Variants in ADAMTS18 observed in about 807,000 individuals in gnomAD.
ADAMTS18 encodes the protein ADAM metallopeptidase with thrombospondin type 1 motif 18.
Under a neutral mutation model 165.9 loss-of-function variants are expected in ADAMTS18, and 157 were observed. The observed-to-expected ratio is 0.95, with a 90% CI of 0.83 to 1.08. The LOEUF is 1.08. Ranked by LOEUF, ADAMTS18 falls within the 50% of genes least tolerant of loss-of-function variation. ADAMTS18 has a pLI of 0.00. For missense variants in ADAMTS18, 2,040 were observed against 1,534.0 expected, an observed-to-expected ratio of 1.33 and a Z score of -5.51; for synonymous variants, 782 against 578.2, an observed-to-expected ratio of 1.35 and a Z score of -5.06.
intron 3 of ADAMTS18, among the ~76,000 whole-genome samples, chr16:77,423,195 A>G (rs1008636531): frequency 6.6e-6 from 1 of 152,182 alleles, no homozygotes; most frequent in Non-Finnish European, 1.5e-5. Context: ...TAAATGTTCT[A>G]AAGGCCTCCC....
Position 77,295,026 on chromosome 16 carries a change from T to C in ADAMTS18, c.2903A>G (p.Glu968Gly). 6.2e-7 allele frequency: 1 copy of C among 1,614,168 alleles called. No homozygotes were observed. The highest frequency in any genetic ancestry group is 1.1e-5 in the South Asian group (1 of 91,080). ...CVQKKPFQKEEAVLHSLCPVS... is the reference protein window; with the variant it reads ...CVQKKPFQKEGAVLHSLCPVS... ...TGGACAGAGAGAATGCAACACTGCT[T>C]CCTCCTTTTGGAAGGGCTTCTTTTG... is the stretch of plus-strand genomic sequence containing the variant. The change falls in exon 19 of 23, where the codon GAA (glutamate) becomes GGA (glycine). Residue 968 changes from glutamate (E) to glycine (G), a missense_variant. Physicochemically the swap from Glu to Gly is moderately conservative, Grantham distance 98. Coordinates refer to ENST00000282849, the MANE Select transcript of ADAMTS18 (RefSeq NM_199355.4).
intron 16 of ADAMTS18, among the ~76,000 whole-genome samples, chr16:77,303,107 C>G (rs962488025): frequency 2.0e-5 from 3 of 152,184 alleles, no homozygotes; most frequent in Admixed American, 2.0e-4. Context: ...GATGCCCTGT[C>G]CTGGCTCCAA....
intron 10 of ADAMTS18, among the ~76,000 whole-genome samples, chr16:77,352,836 C>T (rs965459006): frequency 5.3e-5 from 8 of 151,984 alleles, no homozygotes; most frequent in Admixed American, 3.9e-4. Flanking sequence ...ATGGGCCGGG[C>T]GGGGTGGCTC....
intron 3 of ADAMTS18, among the ~76,000 whole-genome samples, chr16:77,368,327 G>A (rs2056828721): frequency 2.0e-5 from 3 of 152,144 alleles, no homozygotes; most frequent in South Asian, 4.1e-4. Context: ...ACATTCTGCT[G>A]CATTGCATTT....
At chr16:77,411,095 G>C (rs993523474) in intron 3 of ADAMTS18, among the ~76,000 whole-genome samples, 2 of 152,328 alleles carry the variant, frequency 1.3e-5, no homozygotes, top group South Asian at 2.1e-4. Flanking sequence ...GAACAGAGTA[G>C]TATGGCAGCA....
At chr16:77,400,477 TG>T (rs1567541746) in intron 3 of ADAMTS18, among the ~76,000 whole-genome samples, 2 of 124,336 alleles carry the variant, frequency 1.6e-5, no homozygotes, top group Non-Finnish European at 1.9e-5. Context: ...TGTGTGTGTG[TG>T]TGTTTTGTTT....
chr16:77,322,835 A>G (rs1333763186), intron 13 of ADAMTS18, among the ~76,000 whole-genome samples: 1 of 152,164 alleles, frequency 6.6e-6, no homozygotes, highest in African/African-American at 2.4e-5. Flanking sequence ...GTGTTCTAAT[A>G]AAATCTGATG....
intron 12 of ADAMTS18, among the ~76,000 whole-genome samples, chr16:77,335,405 A>G (rs2056292538): frequency 6.6e-6 from 1 of 152,064 alleles, no homozygotes; most frequent in Admixed American, 6.6e-5. Flanking sequence ...AGAATGAGTA[A>G]GATCTAGTAT....
chr16:77,312,230 T>C (rs1271557094), intron 16 of ADAMTS18, among the ~76,000 whole-genome samples: 1 of 152,060 alleles, frequency 6.6e-6, no homozygotes, highest in Admixed American at 6.5e-5. Context: ...AAAAAAAACT[T>C]TTCTTTTTTT....
chr16:77,359,547 TGGAAA>T, intron 7 of ADAMTS18, 124 bp from the exon 8 acceptor site: 1 of 619,612 alleles, frequency 1.6e-6, no homozygotes, highest in Non-Finnish European at 2.6e-6. Context: ...TCAGTGTTTT[TGGAAA>T]AAAAAAAAAA....
rs1227968206 is a variant in ADAMTS18 at position 77,378,344 on chromosome 16, A to AAC, written c.496-10622_496-10621insGT. ...TCTCAAAAACAAAAACAAAAACAAA[A>AAC]AAAAACAAAAAAAAAAAAAACCAAG... On this transcript the variant is annotated intron_variant, in intron 3 of 22. Transcript: ENST00000282849. Among the ~76,000 whole-genome samples the AAC allele has an allele frequency of 1.4e-3, 79 of 56,734 alleles. 1 individual carries two copies. In the East Asian group the frequency reaches 0.017, roughly 12 times the overall value. The allele number at this position is 56,734 out of a possible 152,430, so 37.2% of individuals were successfully genotyped here.
chr16:77,388,853 T>G (rs980691622), intron 3 of ADAMTS18, among the ~76,000 whole-genome samples: 6 of 152,230 alleles, frequency 3.9e-5, no homozygotes, highest in African/African-American at 1.4e-4. Context: ...ATCTCATGCC[T>G]AACAGATTCT....
intron 12 of ADAMTS18, among the ~76,000 whole-genome samples, chr16:77,333,900 AAT>A (rs1451592520): frequency 6.9e-6 from 1 of 145,754 alleles, no homozygotes; most frequent in Admixed American, 7.0e-5. Flanking sequence ...TTAATAGTAT[AAT>A]ATATAGTGTC....
intron 16 of ADAMTS18, among the ~76,000 whole-genome samples, chr16:77,309,268 A>G (rs907857889): frequency 2.0e-5 from 3 of 151,962 alleles, no homozygotes; most frequent in Non-Finnish European, 2.9e-5. Flanking sequence ...CAAGAAAATT[A>G]TCTCCTTTTC....
chr16:77,326,929 T>C (rs998638320), intron 12 of ADAMTS18, among the ~76,000 whole-genome samples: 6 of 152,184 alleles, frequency 3.9e-5, no homozygotes, highest in African/African-American at 9.7e-5. Context: ...CTCCCACTTA[T>C]AAGGAAGAAT....
Position 77,380,289 on chromosome 16 carries a change from G to A in ADAMTS18, c.496-12566C>T, listed in dbSNP as rs557113988. Among the ~76,000 whole-genome samples, 21 of 152,304 alleles carry A rather than the reference G, an allele frequency of 1.4e-4. No individual in the cohort carries two copies. The South Asian group carries it at 2.5e-3, about 18-fold the overall frequency. On this transcript the variant is annotated intron_variant, in intron 3 of 22. Coordinates refer to ENST00000282849, the MANE Select transcript of ADAMTS18 (RefSeq NM_199355.4). The stretch of plus-strand genomic sequence containing the variant: ...GCCCTTCAACTATAACCGTCTGTAC[G>A]GATGTAAATGTCATCTAGCAGCTCT...
intron 11 of ADAMTS18, among the ~76,000 whole-genome samples, chr16:77,339,184 A>G (rs1210552265): frequency 6.6e-6 from 1 of 151,104 alleles, no homozygotes; most frequent in African/African-American, 2.4e-5. Context: ...TTACAGTCTA[A>G]CAAGCAGCCA....
chr16:77,358,439 G>A (rs1597166172), intron 8 of ADAMTS18, among the ~76,000 whole-genome samples: 1 of 152,150 alleles, frequency 6.6e-6, no homozygotes. Context: ...GTGGGCACTG[G>A]TAATCCCAGC....
At chr16:77,294,812 G>T (rs2055434192) in intron 19 of ADAMTS18, 111 bp downstream of exon 19, 2 of 1,052,570 alleles carry the variant, frequency 1.9e-6, no homozygotes, top group African/African-American at 1.6e-5. Context: ...TGAACTCAGG[G>T]TGATTTCCAT....
Sources: allele counts gnomAD v4.1 joint callset (sites outside exome capture counted in the v4.1 genomes callset), GRCh38; gene constraint gnomAD v4.1.1; transcripts MANE v1.5; gene names NCBI Gene and HGNC (gene_info 2026-07-23, HGNC 2026-07-21).